The following UTS2 variants were observed in gnomAD, a reference collection of about 807,000 sequenced individuals.
UTS2 encodes urotensin 2.
UTS2 carries 10 observed loss-of-function variants against 12.6 expected under a neutral mutation model. That is an observed-to-expected ratio of 0.80 (90% confidence interval 0.49 to 1.35). The LOEUF (loss-of-function observed/expected upper bound fraction) is 1.35. UTS2 is among the 40% of genes most tolerant of loss of function. The pLI is 0.00. For missense variants in UTS2, 142 were observed against 143.2 expected (o/e 0.99, Z 0.04); for synonymous variants, 52 against 50.0 (o/e 1.04, Z -0.17).
chr1:7,872,050 C>A, the UTS2 span, among the ~76,000 whole-genome samples: 1 of 151,718 alleles, frequency 6.6e-6, no homozygotes, highest in Non-Finnish European at 1.5e-5. Context: ...GCCTGTAATC[C>A]CAGCACTTTG....
At chr1:7,853,957 C>T (rs920923916), upstream of UTS2, among the ~76,000 whole-genome samples, 3 of 152,164 alleles carry the variant, frequency 2.0e-5, no homozygotes, top group African/African-American at 7.2e-5. Flanking sequence ...AGGCCAGGCA[C>T]GGTGGCTCAT....
At chr1:7,887,659 G>A in the UTS2 span, among the ~76,000 whole-genome samples, 5 of 150,698 alleles carry the variant, frequency 3.3e-5, no homozygotes, top group African/African-American at 7.3e-5. Context: ...CCAGCTACTC[G>A]GGAGGCTGAG....
At chr1:7,867,367 C>T in the UTS2 span, among the ~76,000 whole-genome samples, 1 of 152,142 alleles carries the variant, frequency 6.6e-6, no homozygotes. Context: ...CCTTTAAGGA[C>T]ATCATTAAGA....
the UTS2 span, among the ~76,000 whole-genome samples, chr1:7,894,463 C>T: frequency 5.9e-5 from 9 of 152,202 alleles, no homozygotes; most frequent in East Asian, 1.5e-3. Flanking sequence ...CATGAACCAC[C>T]GTGCCCGACC....
chr1:7,900,560 T>A, the UTS2 span, among the ~76,000 whole-genome samples: 1 of 152,062 alleles, frequency 6.6e-6, no homozygotes, highest in African/African-American at 2.4e-5. Flanking sequence ...GTGGATTACC[T>A]GAGGTCAGGA....
At chr1:7,905,609 C>T in the UTS2 span, among the ~76,000 whole-genome samples, 2 of 152,058 alleles carry the variant, frequency 1.3e-5, no homozygotes, top group Admixed American at 6.6e-5. Context: ...TGTTGAAGGC[C>T]TCAAGAGAAA....
At chr1:7,902,917 T>G in the UTS2 span, among the ~76,000 whole-genome samples, 4 of 152,074 alleles carry the variant, frequency 2.6e-5, no homozygotes, top group African/African-American at 9.7e-5. Context: ...GAGGGAGGCC[T>G]GCGCGCTGGT....
the UTS2 span, among the ~76,000 whole-genome samples, chr1:7,902,060 G>T: frequency 1.3e-5 from 2 of 152,308 alleles, no homozygotes; most frequent in Admixed American, 6.5e-5. Flanking sequence ...CTCAGCGCTG[G>T]TAACACCAGG....
chr1:7,873,142 TA>T, the UTS2 span, among the ~76,000 whole-genome samples: 2 of 152,244 alleles, frequency 1.3e-5, no homozygotes, highest in East Asian at 3.9e-4. Flanking sequence ...CCTACTGCTC[TA>T]AAAAAAATTT....
chr1:7,877,983 T>C, the UTS2 span, among the ~76,000 whole-genome samples: 2 of 152,074 alleles, frequency 1.3e-5, no homozygotes, highest in African/African-American at 4.8e-5. Context: ...AAAGATCTTC[T>C]CCAAGGCACA....
intron 3 of UTS2, among the ~76,000 whole-genome samples, chr1:7,849,278 G>A (rs576752549): frequency 8.6e-5 from 13 of 152,046 alleles, no homozygotes; most frequent in Admixed American, 2.0e-4. Flanking sequence ...GCAGTGGCGC[G>A]ATCTCAGCTC....
At chr1:7,859,368 C>T in the UTS2 span, among the ~76,000 whole-genome samples, 1 of 149,802 alleles carries the variant, frequency 6.7e-6, no homozygotes, top group East Asian at 1.9e-4. Flanking sequence ...CCTCGTCTGT[C>T]AGCTGCAGCA....
In UTS2 at chr1:7,848,950, AGG is replaced by A. The variant is rs2097410906; in HGVS notation, c.258+688_258+689del. On this transcript the variant is annotated intron_variant, in intron 3 of 3. Transcript: ENST00000361696. Reference sequence around the variant, plus strand: ...GTTAAGATGCAGATTTTGCTTCCGCAGGTCCTAGGTGGGCCTAAGATCCTGCA... The same window carrying A: ...GTTAAGATGCAGATTTTGCTTCCGCATCCTAGGTGGGCCTAAGATCCTGCA... 2.0e-5 allele frequency among the ~76,000 whole-genome samples: 3 copies of A among 152,134 alleles called. No homozygotes were observed. The South Asian group carries it at 6.2e-4, about 32-fold the overall frequency.
At chr1:7,902,378 T>C in the UTS2 span, among the ~76,000 whole-genome samples, 1 of 152,310 alleles carries the variant, frequency 6.6e-6, no homozygotes, top group South Asian at 2.1e-4. Flanking sequence ...GGGGAAGTTC[T>C]GACAATGTAG....
At chr1:7,848,205 T>C (rs1171492868) in intron 3 of UTS2, among the ~76,000 whole-genome samples, 6 of 152,080 alleles carry the variant, frequency 3.9e-5, no homozygotes, top group Admixed American at 2.6e-4. Flanking sequence ...CCTAGCACTT[T>C]AGGAGGCTGA....
chr1:7,897,699 G>C, the UTS2 span, among the ~76,000 whole-genome samples: 1 of 152,074 alleles, frequency 6.6e-6, no homozygotes, highest in African/African-American at 2.4e-5. Flanking sequence ...CAATTCTCTT[G>C]CCTCAACCTC....
the UTS2 span, among the ~76,000 whole-genome samples, chr1:7,889,805 G>A: frequency 4.0e-4 from 61 of 152,160 alleles, 1 homozygote; most frequent in East Asian, 1.9e-4. Context: ...AGTGGCTCAC[G>A]CCTGTAATCA....
At chr1:7,855,195 G>T (rs1249114800), upstream of UTS2, among the ~76,000 whole-genome samples, 1 of 150,462 alleles carries the variant, frequency 6.6e-6, no homozygotes, top group Admixed American at 6.6e-5. Flanking sequence ...GTATACCATA[G>T]ATACCATTTT....
upstream of UTS2, among the ~76,000 whole-genome samples, chr1:7,856,168 AG>A (rs1182645327): frequency 6.7e-6 from 1 of 150,038 alleles, no homozygotes; most frequent in African/African-American, 2.5e-5. Flanking sequence ...TATAGTAGGC[AG>A]ACTCGATAAA....
Sources: allele counts gnomAD v4.1 joint callset (sites outside exome capture counted in the v4.1 genomes callset), GRCh38; gene constraint gnomAD v4.1.1; transcripts MANE v1.5; gene names NCBI Gene and HGNC (gene_info 2026-07-23, HGNC 2026-07-21).